NLRP5: variants seen among roughly 807,000 people sequenced by gnomAD.
NLRP5 encodes the protein NLR family pyrin domain containing 5.
A neutral mutation model predicts 113.1 loss-of-function variants in NLRP5; 93 were observed. The observed-to-expected ratio is 0.82, with a 90% CI of 0.70 to 0.98. The LOEUF (loss-of-function observed/expected upper bound fraction) is 0.98, where lower values mean the gene tolerates loss of function less well. NLRP5 is among the 50% of genes least tolerant of loss of function. NLRP5 has a pLI of 0.00. For synonymous variants in NLRP5, 751 were observed against 600.7 expected, an observed-to-expected ratio of 1.25 and a Z score of -3.66; for missense variants, 1,808 against 1,514.3, an observed-to-expected ratio of 1.19 and a Z score of -3.22.
At chr19:56,025,921 G>A (rs1039007168) in intron 6 of NLRP5, among the ~76,000 whole-genome samples, 1 of 152,088 alleles carries the variant, frequency 6.6e-6, no homozygotes, top group African/African-American at 2.4e-5. Flanking sequence ...CAGAGTGCCA[G>A]GCACTGTCAT....
intron 2 of NLRP5, among the ~76,000 whole-genome samples, chr19:56,005,645 C>T (rs947478154): frequency 2.7e-5 from 4 of 148,930 alleles, no homozygotes; most frequent in East Asian, 3.9e-4. Context: ...CACACACACG[C>T]GCGCAGGTGG....
At chr19:55,988,000 A>G in the NLRP5 span, 1 of 989,726 alleles carries the variant, frequency 1.0e-6, no homozygotes, top group Non-Finnish European at 1.6e-6. Flanking sequence ...TCCTGTATGC[A>G]TTAACGTACT....
intron 1 of NLRP5, among the ~76,000 whole-genome samples, chr19:56,002,876 T>G (rs184075209): frequency 6.8e-4 from 103 of 152,296 alleles, no homozygotes; most frequent in African/African-American, 2.4e-3. Context: ...TGTTGGACAT[T>G]TAGGTTGGTT....
chr19:56,054,851 T>C (rs928626825), intron 13 of NLRP5, among the ~76,000 whole-genome samples: 3 of 152,080 alleles, frequency 2.0e-5, no homozygotes, highest in Non-Finnish European at 4.4e-5. Context: ...TGTGAACTAC[T>C]CTAGAATGGA....
In NLRP5 at chr19:56,003,823, C is replaced by A. The variant is rs369349527; in HGVS notation, c.170C>A (p.Ser57Ter). ...TGTATCAAGATGGAAGGAGACAAAT[C>A]GCTCACCTTTTCCAGCTACGGGCTG... The change falls in exon 2 of 15, where the codon TCG (serine) becomes TAG (stop). Residue 57 changes from serine to a stop codon, truncating the protein, a stop_gained. Transcript: ENST00000390649. LOFTEE classifies it high-confidence loss of function. The A allele has an allele frequency of 6.2e-7, 1 of 1,613,838 alleles. No homozygotes were observed. Among genetic ancestry groups the A allele is most frequent in the Non-Finnish European group, 8.5e-7 (1 of 1,179,896 alleles).
At chr19:55,989,085 C>T in the NLRP5 span, among the ~76,000 whole-genome samples, 1 of 152,278 alleles carries the variant, frequency 6.6e-6, no homozygotes, top group Non-Finnish European at 1.5e-5. Flanking sequence ...AGCAATACAG[C>T]ACATAAACTT....
At chr19:56,034,166 A>T (rs1983227870) in intron 9 of NLRP5, among the ~76,000 whole-genome samples, 1 of 152,186 alleles carries the variant, frequency 6.6e-6, no homozygotes, top group Non-Finnish European at 1.5e-5. Context: ...AGGCAGGCAG[A>T]TCACTTGAGG....
In NLRP5 at chr19:56,052,658, C is replaced by G. The variant is rs1023854416; in HGVS notation, c.3129-980C>G. On this transcript the variant is annotated intron_variant, in intron 12 of 14. Transcript: ENST00000390649. ...ATCATCCTACCCTTAGCCTCCCAAG[C>G]TGAAGACAGACTTGGAGGCCGTTTC... Among the ~76,000 whole-genome samples the G allele has an allele frequency of 7.9e-5, 12 of 152,288 alleles. No homozygotes were observed. The South Asian group carries it at 1.9e-3, about 24-fold the overall frequency.
In NLRP5 at chr19:56,020,362, C is replaced by A; in HGVS notation, c.623-13C>A. ...TAATAAACACAAGTATGTTGGAATT[C>A]ATTCTTTTGCAGAAATTTCACAAGC... On this transcript the variant is annotated splice_polypyrimidine_tract_variant and intron_variant, in intron 5 of 14. Transcript: ENST00000390649. The A allele has an allele frequency of 1.2e-6, 2 of 1,608,126 alleles. No homozygotes were observed. The highest frequency in any genetic ancestry group is 3.4e-5 in the Admixed American group (2 of 59,316).
Position 56,027,583 on chromosome 19 carries a change from G to A in NLRP5, c.1350G>A (p.Gln450=). The change falls in exon 7 of 15, where the codon CAG becomes CAA. Residue 450 remains glutamine, a synonymous_variant. Transcript: ENST00000390649. ...TTGAGCGCGGGATTGGTGAGCATCA[G>A]AAGACACAAGGGTTGCGTGCGATCA... The A allele has an allele frequency of 1.2e-6, 2 of 1,613,936 alleles. No individual in the cohort carries two copies. Among genetic ancestry groups the A allele is most frequent in the Non-Finnish European group, 1.7e-6 (2 of 1,179,902 alleles).
intron 1 of NLRP5, among the ~76,000 whole-genome samples, chr19:56,003,221 G>A (rs1218225460): frequency 6.6e-6 from 1 of 152,068 alleles, no homozygotes; most frequent in Non-Finnish European, 1.5e-5. Context: ...ATGCAGTCTT[G>A]GCTCACTGCA....
At chr19:56,036,456 T>C (rs1358271253) in intron 9 of NLRP5, among the ~76,000 whole-genome samples, 1 of 152,158 alleles carries the variant, frequency 6.6e-6, no homozygotes, top group East Asian at 1.9e-4. Context: ...TGAAACGAGA[T>C]TGTTTTATTC....
chr19:56,017,597 A>G (rs1401765995), intron 4 of NLRP5, among the ~76,000 whole-genome samples: 1 of 152,130 alleles, frequency 6.6e-6, no homozygotes, highest in African/African-American at 2.4e-5. Context: ...TTCTAATCTT[A>G]TTTCATTGTG....
At chr19:55,992,557 G>A in the NLRP5 span, among the ~76,000 whole-genome samples, 8 of 152,092 alleles carry the variant, frequency 5.3e-5, no homozygotes, top group Admixed American at 2.0e-4. Context: ...ATAATGACAC[G>A]TAACATTCTT....
intron 2 of NLRP5, among the ~76,000 whole-genome samples, chr19:56,005,668 T>C (rs1276899871): frequency 6.6e-6 from 1 of 151,688 alleles, no homozygotes; most frequent in African/African-American, 2.4e-5. Flanking sequence ...TGCCTGCACA[T>C]CCGTGACCTG....
In NLRP5 at chr19:56,027,530, T is replaced by A. The variant is rs202121842; in HGVS notation, c.1297T>A (p.Ser433Thr). 6.2e-7 allele frequency: 1 copy of A among 1,613,976 alleles called. No homozygotes were observed. Among genetic ancestry groups the A allele is most frequent in the Admixed American group, 1.7e-5 (1 of 60,012 alleles). Residue 433 changes from serine to threonine, a missense_variant, in exon 7 of 15, where the codon TCC becomes ACC. Ser to Thr is a moderately conservative substitution (Grantham distance 58). Coordinates refer to ENST00000390649, the MANE Select transcript of NLRP5 (RefSeq NM_153447.4). ...CCGTTACCTGTTAGTTAGAGGAATC[T>A]CCGGGGAACAAAGAATCCACTTGCT...
Position 56,041,074 on chromosome 19 carries a change from G to A in NLRP5, c.2939G>A (p.Cys980Tyr), listed in dbSNP as rs370931495. 1.8e-4 allele frequency: 294 copies of A among 1,613,948 alleles called. No individual in the cohort carries two copies. Among genetic ancestry groups the A allele is most frequent in the Middle Eastern group, 1.8e-3 (11 of 6,062 alleles). Reference sequence around the variant, plus strand: ...TGTCGATCCATGAGGCTTCCCCACTGTAGTCTGCAGAGGCTGATGTGAGTC... The same window carrying A: ...TGTCGATCCATGAGGCTTCCCCACTATAGTCTGCAGAGGCTGATGTGAGTC... Residue 980 changes from cysteine (C) to tyrosine (Y), a missense_variant, in exon 11 of 15, where the codon TGT (cysteine) becomes TAT (tyrosine). Transcript: ENST00000390649.
intron 6 of NLRP5, among the ~76,000 whole-genome samples, chr19:56,021,085 C>T (rs896820441): frequency 3.8e-4 from 58 of 152,006 alleles, no homozygotes; most frequent in Admixed American, 3.2e-3. Context: ...TTGGCCAGGT[C>T]GGTCTCGCAC....
chr19:56,024,596 C>CACACAT (rs1257498972), intron 6 of NLRP5, among the ~76,000 whole-genome samples: 61 of 150,780 alleles, frequency 4.0e-4, no homozygotes, highest in African/African-American at 1.4e-3. Context: ...CACACACACA[C>CACACAT]ACACACATGA....
Sources: gnomAD v4.1 joint callset for allele counts (sites outside exome capture counted in the v4.1 genomes callset) on GRCh38, gnomAD v4.1.1 for gene constraint, MANE v1.5 for transcripts, NCBI Gene and HGNC (gene_info 2026-07-23, HGNC 2026-07-21) for gene names.